Variants in CNTN5 observed in about 807,000 individuals in gnomAD.
CNTN5 encodes contactin 5, also known as contactin-5.
A neutral mutation model predicts 129.1 loss-of-function variants in CNTN5; 77 were observed. That is an observed-to-expected ratio of 0.60 (90% confidence interval 0.50 to 0.72). The LOEUF is 0.72. Among genes scored for constraint, CNTN5 ranks in the 30% least tolerant of loss-of-function variants. The pLI is 0.00. For synonymous variants in CNTN5, 509 were observed against 465.6 expected, an observed-to-expected ratio of 1.09 and a Z score of -1.20; for missense variants, 1,478 against 1,328.8, an observed-to-expected ratio of 1.11 and a Z score of -1.75.
chr11:99,381,043 G>A lies in CNTN5; in HGVS notation c.-71+55559G>A, dbSNP rs553038114. 3.4e-4 allele frequency among the ~76,000 whole-genome samples: 51 copies of A among 152,198 alleles called. 1 individual carries two copies. The South Asian group carries it at 9.5e-3, about 28-fold the overall frequency. On this transcript the variant is annotated intron_variant, in intron 2 of 24. Transcript: ENST00000524871. Reference sequence around the variant, plus strand: ...CTGGGGATAGGACTCCAACATTTGAGTAGTTTTAAAGGATCTCCAGATGAT... The same window carrying A: ...CTGGGGATAGGACTCCAACATTTGAATAGTTTTAAAGGATCTCCAGATGAT...
At chr11:99,554,011 C>CACACACA (rs1948588749) in intron 2 of CNTN5, among the ~76,000 whole-genome samples, 1 of 118,388 alleles carries the variant, frequency 8.4e-6, no homozygotes, top group Admixed American at 8.4e-5. Context: ...CACACACACA[C>CACACACA]TTCTTCTTTT....
chr11:99,437,187 A>C (rs1464871022), intron 2 of CNTN5, among the ~76,000 whole-genome samples: 3 of 152,238 alleles, frequency 2.0e-5, no homozygotes, highest in Non-Finnish European at 4.4e-5. Context: ...CGTGGCAAAG[A>C]GCGGTCGCTT....
At chr11:100,181,284 A>G (rs1948131985) in intron 13 of CNTN5, among the ~76,000 whole-genome samples, 1 of 146,220 alleles carries the variant, frequency 6.8e-6, no homozygotes, top group Non-Finnish European at 1.5e-5. Flanking sequence ...CAGGAAAGTA[A>G]ACTGATTGAA....
chr11:99,139,090 AC>A (rs1447785703), intron 1 of CNTN5, among the ~76,000 whole-genome samples: 5 of 37,442 alleles, frequency 1.3e-4, no homozygotes, highest in Non-Finnish European at 1.4e-4. Context: ...CTCCATCTCT[AC>A]CCCCTCCCCA....
chr11:99,231,334 C>T (rs1160765207), intron 1 of CNTN5, among the ~76,000 whole-genome samples: 1 of 152,062 alleles, frequency 6.6e-6, no homozygotes, highest in Non-Finnish European at 1.5e-5. Context: ...TTTTAATAAT[C>T]ACCATTCTAA....
At chr11:99,736,605 G>A (rs910768759) in intron 3 of CNTN5, among the ~76,000 whole-genome samples, 3 of 152,154 alleles carry the variant, frequency 2.0e-5, no homozygotes, top group Non-Finnish European at 4.4e-5. Context: ...AGGGGTAAAT[G>A]TATTACTTGT....
At chr11:99,597,868 A>T (rs1950172849) in intron 3 of CNTN5, among the ~76,000 whole-genome samples, 1 of 151,950 alleles carries the variant, frequency 6.6e-6, no homozygotes, top group South Asian at 2.1e-4. Flanking sequence ...GGGGCCATGG[A>T]AGTGGCAAGC....
intron 3 of CNTN5, among the ~76,000 whole-genome samples, chr11:99,760,168 G>A (rs1332464083): frequency 6.6e-6 from 1 of 152,128 alleles, no homozygotes; most frequent in East Asian, 1.9e-4. Flanking sequence ...TGCTAAATAA[G>A]CAGGTGGTGT....
intron 6 of CNTN5, among the ~76,000 whole-genome samples, chr11:99,854,383 T>C (rs918968095): frequency 2.0e-5 from 3 of 152,190 alleles, no homozygotes; most frequent in African/African-American, 7.2e-5. Context: ...ATAAGAATGT[T>C]GCCTTAGGAA....
At chr11:99,711,101 A>G (rs1413909246) in intron 3 of CNTN5, among the ~76,000 whole-genome samples, 1 of 151,950 alleles carries the variant, frequency 6.6e-6, no homozygotes, top group Non-Finnish European at 1.5e-5. Context: ...ATTTCCCGAC[A>G]GAATCGTTTC....
At chr11:100,215,611 C>T (rs970921670) in intron 15 of CNTN5, among the ~76,000 whole-genome samples, 1 of 151,982 alleles carries the variant, frequency 6.6e-6, no homozygotes, top group Non-Finnish European at 1.5e-5. Context: ...ATTTTAAATA[C>T]CCCATAATGC....
chr11:100,132,744 G>T (rs11222895), intron 13 of CNTN5, among the ~76,000 whole-genome samples: 11,891 of 152,014 alleles, frequency 0.078, 586 homozygotes, highest in Non-Finnish European at 0.11. Context: ...AAACCAAATG[G>T]TGCGCTATGT....
chr11:99,524,528 T>C (rs756226375), intron 2 of CNTN5, among the ~76,000 whole-genome samples: 31 of 152,252 alleles, frequency 2.0e-4, no homozygotes, highest in East Asian at 1.2e-3. Context: ...TTTATACTTA[T>C]AGGCCGAGAG....
At chr11:99,072,977 G>A (rs774396634) in intron 1 of CNTN5, among the ~76,000 whole-genome samples, 1 of 152,052 alleles carries the variant, frequency 6.6e-6, no homozygotes, top group Non-Finnish European at 1.5e-5. Context: ...AAATGAAATT[G>A]TGCAGCATAT....
intron 3 of CNTN5, among the ~76,000 whole-genome samples, chr11:99,705,824 A>G (rs1178040665): frequency 6.6e-6 from 1 of 151,300 alleles, no homozygotes; most frequent in East Asian, 1.9e-4. Context: ...GTGCTAGATG[A>G]TGAGATTACA....
At chr11:99,752,815 T>G (rs561142751) in intron 3 of CNTN5, among the ~76,000 whole-genome samples, 1 of 152,294 alleles carries the variant, frequency 6.6e-6, no homozygotes, top group South Asian at 2.1e-4. Flanking sequence ...TTGAGTTAAA[T>G]TAAGGCTCTT....
chr11:99,881,575 G>T (rs892019810), intron 6 of CNTN5, among the ~76,000 whole-genome samples: 1 of 152,046 alleles, frequency 6.6e-6, no homozygotes, highest in East Asian at 1.9e-4. Context: ...GGATTTAAGG[G>T]CTATTTAAAC....
intron 3 of CNTN5, among the ~76,000 whole-genome samples, chr11:99,664,354 C>A (rs941464734): frequency 1.9e-4 from 29 of 152,074 alleles, no homozygotes; most frequent in African/African-American, 6.5e-4. Flanking sequence ...GGGTATCCAG[C>A]TTGAATTTAT....
At chr11:99,792,167 T>C (rs1434678474) in intron 3 of CNTN5, among the ~76,000 whole-genome samples, 2 of 152,092 alleles carry the variant, frequency 1.3e-5, no homozygotes, top group Non-Finnish European at 2.9e-5. Flanking sequence ...GGTCACTCTT[T>C]CCTCGTTCCA....
Sources: gnomAD v4.1 joint callset for allele counts (sites outside exome capture counted in the v4.1 genomes callset) on GRCh38, gnomAD v4.1.1 for gene constraint, MANE v1.5 for transcripts, NCBI Gene and HGNC (gene_info 2026-07-23, HGNC 2026-07-21) for gene names.